Variants in PXMP4 observed in about 807,000 individuals in gnomAD.
PXMP4 encodes peroxisomal membrane protein 4.
PXMP4 carries 16 observed loss-of-function variants against 21.6 expected under a neutral mutation model. That is an observed-to-expected ratio of 0.74 (90% CI 0.50 to 1.13). The LOEUF (loss-of-function observed/expected upper bound fraction) is 1.13, where lower values mean the gene tolerates loss of function less well. Among genes scored for constraint, PXMP4 ranks in the 50% most tolerant of loss-of-function variants. The pLI is 0.00. For synonymous variants in PXMP4, 127 were observed against 123.8 expected (o/e 1.03, Z -0.17); for missense variants, 240 against 277.7 (o/e 0.86, Z 0.96).
chr20:33,715,841 CTTTT>C (rs11475452), intron 1 of PXMP4, among the ~76,000 whole-genome samples: 2 of 123,884 alleles, frequency 1.6e-5, no homozygotes. Context: ...CAGCCAGTCT[CTTTT>C]TTTTTTTTTT....
At chr20:33,715,676 C>T (rs906107060) in intron 1 of PXMP4, among the ~76,000 whole-genome samples, 3 of 151,996 alleles carry the variant, frequency 2.0e-5, no homozygotes, top group African/African-American at 7.2e-5. Context: ...ATCTGCCCGC[C>T]TTGGCCTCCT....
At position 33,717,500 on chromosome 20, in the gene PXMP4, C is replaced by T. The variant is rs1013905778; in HGVS notation, c.113+2595G>A. Among the ~76,000 whole-genome samples, 383 of 149,624 alleles carry T rather than the reference C, an allele frequency of 2.6e-3. 3 individuals are homozygous for T. The highest frequency in any genetic ancestry group is 8.8e-3 in the African/African-American group (356 of 40,508). On this transcript the variant is annotated intron_variant, in intron 1 of 3. Transcript: ENST00000409299. ...CTAAAAATACAAAAAATTAGCCGGG[C>T]GTAGTGGCGGGCGCCTGTAGTCCCA...
intron 3 of PXMP4, among the ~76,000 whole-genome samples, chr20:33,708,714 A>T (rs1186199961): frequency 6.7e-6 from 1 of 149,812 alleles, no homozygotes; most frequent in Non-Finnish European, 1.5e-5. Context: ...TTTTTGAGAC[A>T]GAGTCTTGCT....
At chr20:33,718,510 CAAAAAAAAAAAAAAAAAA>C (rs34706596) in intron 1 of PXMP4, among the ~76,000 whole-genome samples, 1 of 54,798 alleles carries the variant, frequency 1.8e-5, no homozygotes, top group African/African-American at 6.8e-5. Flanking sequence ...CACTCCATCT[CAAAAAAAAAAAAAAAAAA>C]AAAAAAAAAA....
chr20:33,716,637 A>C (rs1490765805), intron 1 of PXMP4, among the ~76,000 whole-genome samples: 1 of 152,138 alleles, frequency 6.6e-6, no homozygotes, highest in Non-Finnish European at 1.5e-5. Context: ...GAAGACAGGG[A>C]ATGTGTCTGG....
In PXMP4 at chr20:33,707,588, G is replaced by A; in HGVS notation, c.*118C>T. ...ATCAGTGTTTTTACTTCAGCAAACG[G>A]AACCCTGGGATAACACCAGTTGGAG... On this transcript the variant is annotated 3_prime_UTR_variant, in exon 4 of 4. Coordinates refer to ENST00000409299, the MANE Select transcript of PXMP4 (RefSeq NM_007238.5). The A allele has an allele frequency of 7.2e-7, 1 of 1,398,400 alleles. No individual in the cohort carries two copies. The highest frequency in any genetic ancestry group is 1.4e-5 in the South Asian group (1 of 71,200). The allele number at this position is 1,398,400 out of a possible 1,614,324, so 86.6% of individuals were successfully genotyped here.
chr20:33,705,693 C>T lies in PXMP4; in HGVS notation c.*2013G>A, dbSNP rs1408512787. On this transcript the variant is annotated 3_prime_UTR_variant, in exon 4 of 4. Coordinates refer to ENST00000409299, the MANE Select transcript of PXMP4 (RefSeq NM_007238.5). ...CACTCCTCATCGCATAGCACTATGT[C>T]ATTGTAGGCCCCTATGGGCATTTGA... 1 of 151,950 alleles carries T rather than the reference C, an allele frequency of 6.6e-6. No individual in the cohort carries two copies. Among genetic ancestry groups the T allele is most frequent in the East Asian group, 1.9e-4 (1 of 5,152 alleles). The allele number at this position is 151,950 out of a possible 1,614,324, so 9.4% of individuals were successfully genotyped here.
chr20:33,707,927 G>A lies in PXMP4; in HGVS notation c.418C>T (p.Arg140Cys), dbSNP rs751272352. Reference protein sequence around the residue: ...LLSRVLFALSRLAVEKGYIPE... With the variant: ...LLSRVLFALSCLAVEKGYIPE... ...ATGTAGCCCTTCTCTACAGCCAGGC[G>A]GCTCAGGGCAAACAGGACGCGTGAC... Residue 140 changes from arginine to cysteine, a missense_variant, in exon 4 of 4, where the codon CGC (arginine) becomes TGC (cysteine). Arg to Cys is a radical substitution (Grantham distance 180). Coordinates refer to ENST00000409299, the MANE Select transcript of PXMP4 (RefSeq NM_007238.5). The A allele has an allele frequency of 6.2e-6, 10 of 1,614,036 alleles. No individual in the cohort carries two copies. Among genetic ancestry groups the A allele is most frequent in the East Asian group, 2.2e-5 (1 of 44,886 alleles).
chr20:33,708,839 C>T (rs6120349), intron 3 of PXMP4, among the ~76,000 whole-genome samples: 195 of 152,114 alleles, frequency 1.3e-3, no homozygotes, highest in African/African-American at 4.5e-3. Flanking sequence ...TACAGGTGTG[C>T]GCCACCATGC....
In PXMP4 at chr20:33,720,257, A is replaced by G. The variant is rs2018437985; in HGVS notation, c.-50T>C. 1 of 1,520,238 alleles carries G rather than the reference A, an allele frequency of 6.6e-7. No homozygotes were observed. Among genetic ancestry groups the G allele is most frequent in the African/African-American group, 1.4e-5 (1 of 72,746 alleles). 94.2% of individuals were successfully genotyped at this position (1,520,238 alleles called of 1,614,324 possible). On this transcript the variant is annotated 5_prime_UTR_variant, in exon 1 of 4. Transcript: ENST00000409299. ...GGTTAGGAACTGTAAGCGCACTGAC[A>G]GCCGGAGGTTCCAGCTGCGCGCCCA... is the stretch of plus-strand genomic sequence containing the variant.
Position 33,707,553 on chromosome 20 carries a change from G to A in PXMP4, c.*153C>T. ...TGCCACCATACAAAGGTACCCACTG[G>A]GATTTTAAAATCAGTGTTTTTACTT... On this transcript the variant is annotated 3_prime_UTR_variant, in exon 4 of 4. Coordinates refer to ENST00000409299, the MANE Select transcript of PXMP4 (RefSeq NM_007238.5). 8.8e-7 allele frequency: 1 copy of A among 1,135,276 alleles called. No individual in the cohort carries two copies. The highest frequency in any genetic ancestry group is 2.6e-5 in the East Asian group (1 of 39,166). The allele number at this position is 1,135,276 out of a possible 1,614,324, so 70.3% of individuals were successfully genotyped here.
Position 33,717,963 on chromosome 20 carries a change from C to T in PXMP4, c.113+2132G>A, listed in dbSNP as rs1001550242. ...TTTACAGAATGGCTTTTGGCAGTTA[C>T]GCACATATAAAAGTTCCTAGGTCAA... is the stretch of plus-strand genomic sequence containing the variant. On this transcript the variant is annotated intron_variant, in intron 1 of 3. Transcript: ENST00000409299. Among the ~76,000 whole-genome samples, 3 of 152,216 alleles carry T rather than the reference C, an allele frequency of 2.0e-5. No individual in the cohort carries two copies. The East Asian group carries it at 5.8e-4, about 29-fold the overall frequency.
At chr20:33,716,841 CTG>C (rs1687228209) in intron 1 of PXMP4, among the ~76,000 whole-genome samples, 1 of 152,172 alleles carries the variant, frequency 6.6e-6, no homozygotes, top group South Asian at 2.1e-4. Context: ...TTAGGTAACA[CTG>C]TACCTATTCA....
chr20:33,707,476 G>T lies in PXMP4; in HGVS notation c.*230C>A. 1 of 567,168 alleles carries T rather than the reference G, an allele frequency of 1.8e-6. No individual in the cohort carries two copies. 35.1% of individuals were successfully genotyped at this position (567,168 alleles called of 1,614,324 possible). ...GCTGGCCCCAGTCTCACAGAAGTCA[G>T]CTGCACAGCTGGAACCAAGCCGTAG... On this transcript the variant is annotated 3_prime_UTR_variant, in exon 4 of 4. Coordinates refer to ENST00000409299, the MANE Select transcript of PXMP4 (RefSeq NM_007238.5).
chr20:33,715,479 G>A (rs1275124509), intron 1 of PXMP4, among the ~76,000 whole-genome samples: 2 of 149,850 alleles, frequency 1.3e-5, no homozygotes, highest in East Asian at 3.9e-4. Flanking sequence ...GGCTTGGAGT[G>A]CAGTGGTATG....
Position 33,720,144 on chromosome 20 carries a change from GGCGCTTGCGCAGCAGT to G in PXMP4, c.48_63del (p.Leu17AlafsTer30). ...AGCACGGCCAACGCAGCGTGGTAGC[GGCGCTTGCGCAGCAGT>G]GCGTTGACGACTACGAGCAGAGCCC... On this transcript the variant is annotated frameshift_variant, in exon 1 of 4. Coordinates refer to ENST00000409299, the MANE Select transcript of PXMP4 (RefSeq NM_007238.5). LOFTEE classifies it high-confidence loss of function. 6.2e-7 allele frequency: 1 copy of G among 1,613,614 alleles called. No homozygotes were observed. Among genetic ancestry groups the G allele is most frequent in the East Asian group, 2.2e-5 (1 of 44,886 alleles).
At position 33,720,274 on chromosome 20, in the gene PXMP4, G is replaced by T; in HGVS notation, c.-67C>A. 7.1e-7 allele frequency: 1 copy of T among 1,417,376 alleles called. No homozygotes were observed. Among genetic ancestry groups the T allele is most frequent in the Non-Finnish European group, 9.7e-7 (1 of 1,029,316 alleles). The allele number at this position is 1,417,376 out of a possible 1,614,324, so 87.8% of individuals were successfully genotyped here. ...GCACTGACAGCCGGAGGTTCCAGCT[G>T]CGCGCCCACAGCCCCTCGGTAGCGC... On this transcript the variant is annotated 5_prime_UTR_variant, in exon 1 of 4. Coordinates refer to ENST00000409299, the MANE Select transcript of PXMP4 (RefSeq NM_007238.5).
intron 3 of PXMP4, among the ~76,000 whole-genome samples, chr20:33,708,541 T>TAA (rs568305645): frequency 7.2e-5 from 10 of 139,492 alleles, no homozygotes; most frequent in Non-Finnish European, 1.4e-4. Context: ...TGGATGTAGT[T>TAA]AAAAAAAAAA....
Position 33,707,833 on chromosome 20 carries a change from A to C in PXMP4, c.512T>G (p.Phe171Cys). 1 of 1,614,174 alleles carries C rather than the reference A, an allele frequency of 6.2e-7. No individual in the cohort carries two copies. Among genetic ancestry groups the C allele is most frequent in the Non-Finnish European group, 8.5e-7 (1 of 1,180,032 alleles). ...AVVWGLVLWLFEYHRSTLQPS... is the reference protein window; with the variant it reads ...AVVWGLVLWLCEYHRSTLQPS... ...CTGCAGGGTGGATCGGTGATACTCA[A>C]AGAGCCACAGCACCAGCCCCCACAC... is the stretch of plus-strand genomic sequence containing the variant. The change falls in exon 4 of 4, where the codon TTT becomes TGT. Residue 171 changes from phenylalanine to cysteine, a missense_variant. Transcript: ENST00000409299.
Sources: allele counts gnomAD v4.1 joint callset (sites outside exome capture counted in the v4.1 genomes callset), GRCh38; gene constraint gnomAD v4.1.1; transcripts MANE v1.5; gene names NCBI Gene and HGNC (gene_info 2026-07-23, HGNC 2026-07-21).